Variants in RBFOX1 observed in about 807,000 individuals in gnomAD.
RBFOX1 encodes RNA binding protein fox-1 homolog 1.
A neutral mutation model predicts 57.7 loss-of-function variants in RBFOX1; 8 were observed. The ratio of observed to expected loss-of-function variants is 0.14; its 90% CI spans 0.08 to 0.25. The LOEUF is 0.25. Ranked by LOEUF, RBFOX1 falls within the 10% of genes least tolerant of loss-of-function variation. The pLI, the probability that RBFOX1 is intolerant of heterozygous loss-of-function variation, is 1.00. For synonymous variants in RBFOX1, 326 were observed against 222.4 expected (o/e 1.47, Z -4.15); for missense variants, 611 against 548.5 (o/e 1.11, Z -1.14).
chr16:6,957,316 A>C (rs937556904), intron 3 of RBFOX1, among the ~76,000 whole-genome samples: 3 of 151,778 alleles, frequency 2.0e-5, no homozygotes, highest in African/African-American at 7.3e-5. Flanking sequence ...TATTTTTAGT[A>C]CAGACGGGGT....
At chr16:5,443,199 G>T (rs754937446) in intron 1 of RBFOX1, among the ~76,000 whole-genome samples, 1 of 152,168 alleles carries the variant, frequency 6.6e-6, no homozygotes, top group Non-Finnish European at 1.5e-5. Context: ...AGTCCCAGGA[G>T]ACTAAGCCGT....
intron 4 of RBFOX1, among the ~76,000 whole-genome samples, chr16:7,171,619 A>G (rs368668418): frequency 4.6e-5 from 7 of 152,296 alleles, no homozygotes; most frequent in African/African-American, 7.2e-5. Flanking sequence ...GTCTTTATCA[A>G]TGACATGGAA....
At chr16:7,362,495 TAGTA>T (rs2146729170) in intron 4 of RBFOX1, among the ~76,000 whole-genome samples, 1 of 148,408 alleles carries the variant, frequency 6.7e-6, no homozygotes, top group African/African-American at 2.6e-5. Context: ...GTGTATATGT[TAGTA>T]TGTGCATGTT....
chr16:7,280,169 A>G lies in RBFOX1; in HGVS notation c.27+228071A>G, dbSNP rs528182537. Among the ~76,000 whole-genome samples, 51 of 152,306 alleles carry G rather than the reference A, an allele frequency of 3.3e-4. 1 individual carries two copies. The highest frequency in any genetic ancestry group is 1.2e-3 in the African/African-American group (51 of 41,570). ...TGGTTCTTTGCAAACGCAAAGGAAA[A>G]CACGATGTACACCTTGACTAAATTC... is the stretch of plus-strand genomic sequence containing the variant. On this transcript the variant is annotated intron_variant, in intron 4 of 15. Coordinates refer to ENST00000550418, the MANE Select transcript of RBFOX1 (RefSeq NM_018723.4).
intron 4 of RBFOX1, among the ~76,000 whole-genome samples, chr16:5,990,632 C>T (rs757650784): frequency 3.3e-5 from 5 of 151,940 alleles, no homozygotes; most frequent in Admixed American, 1.3e-4. Flanking sequence ...AAAATAGTTG[C>T]GGTGTATGGG....
At chr16:7,252,500 C>CTT (rs2094531537) in intron 4 of RBFOX1, among the ~76,000 whole-genome samples, 1 of 151,418 alleles carries the variant, frequency 6.6e-6, no homozygotes, top group African/African-American at 2.4e-5. Flanking sequence ...AAATTTTGCA[C>CTT]AGATCTTTAT....
chr16:6,888,019 T>C (rs1195205469), intron 3 of RBFOX1, among the ~76,000 whole-genome samples: 1 of 152,020 alleles, frequency 6.6e-6, no homozygotes, highest in Non-Finnish European at 1.5e-5. Flanking sequence ...GTTTGGGTGA[T>C]TGATTTGAGG....
At chr16:5,567,484 G>A (rs1454382640) in intron 2 of RBFOX1, among the ~76,000 whole-genome samples, 2 of 151,976 alleles carry the variant, frequency 1.3e-5, no homozygotes, top group South Asian at 4.2e-4. Flanking sequence ...AGCATCCAGC[G>A]GGTCACCACC....
At chr16:5,999,907 AG>A (rs1567239282) in intron 4 of RBFOX1, among the ~76,000 whole-genome samples, 13 of 23,384 alleles carry the variant, frequency 5.6e-4, no homozygotes, top group South Asian at 1.6e-3. Flanking sequence ...AAAAAAAAAA[AG>A]AGTGAAGAAG....
chr16:6,560,489 G>A (rs923282389), intron 2 of RBFOX1, among the ~76,000 whole-genome samples: 1 of 152,076 alleles, frequency 6.6e-6, no homozygotes. Context: ...AAAGATCTAA[G>A]GCTTGAGAGT....
intron 3 of RBFOX1, among the ~76,000 whole-genome samples, chr16:6,877,646 G>A (rs954004530): frequency 7.9e-5 from 12 of 152,196 alleles, no homozygotes; most frequent in East Asian, 3.9e-4. Context: ...GCATTTTTAC[G>A]GACAAGCCCA....
intron 1 of RBFOX1, among the ~76,000 whole-genome samples, chr16:6,170,039 A>G (rs2096948107): frequency 6.6e-6 from 1 of 152,118 alleles, no homozygotes; most frequent in South Asian, 2.1e-4. Context: ...AAAGTGCTAG[A>G]TTACAGGCAT....
At chr16:7,539,467 A>G (rs541465529) in intron 5 of RBFOX1, among the ~76,000 whole-genome samples, 1 of 152,162 alleles carries the variant, frequency 6.6e-6, no homozygotes, top group African/African-American at 2.4e-5. Flanking sequence ...TAATATAAAG[A>G]GCGTATTTTT....
At chr16:5,399,102 C>T (rs778154200) in intron 1 of RBFOX1, among the ~76,000 whole-genome samples, 1 of 152,292 alleles carries the variant, frequency 6.6e-6, no homozygotes, top group Non-Finnish European at 1.5e-5. Context: ...CGACTTAAAT[C>T]TATTCTCAGA....
At chr16:5,453,745 A>G (rs933998710) in intron 1 of RBFOX1, among the ~76,000 whole-genome samples, 1 of 152,190 alleles carries the variant, frequency 6.6e-6, no homozygotes, top group East Asian at 1.9e-4. Context: ...CCAGTTAGAG[A>G]TCAGCTTTAC....
chr16:7,545,388 A>G (rs2084174091), intron 5 of RBFOX1, among the ~76,000 whole-genome samples: 2 of 151,852 alleles, frequency 1.3e-5, no homozygotes, highest in Non-Finnish European at 2.9e-5. Context: ...CTGCCTTTAT[A>G]TTCTTCGGGG....
At chr16:6,077,404 G>A (rs764130215) in intron 1 of RBFOX1, among the ~76,000 whole-genome samples, 5 of 152,174 alleles carry the variant, frequency 3.3e-5, no homozygotes, top group Non-Finnish European at 5.9e-5. Context: ...GGGCAAGCCT[G>A]TTTATTATTT....
intron 3 of RBFOX1, among the ~76,000 whole-genome samples, chr16:5,840,883 C>G (rs1441368749): frequency 6.6e-6 from 1 of 152,178 alleles, no homozygotes; most frequent in Non-Finnish European, 1.5e-5. Context: ...CTGCCAGAAG[C>G]TTCCTGCCAA....
At chr16:5,596,757 C>T (rs1013509486) in intron 2 of RBFOX1, among the ~76,000 whole-genome samples, 1 of 152,226 alleles carries the variant, frequency 6.6e-6, no homozygotes, top group Non-Finnish European at 1.5e-5. Flanking sequence ...GACCAGTGGA[C>T]ATTCTCTCAA....
Sources: allele counts gnomAD v4.1 joint callset (sites outside exome capture counted in the v4.1 genomes callset), GRCh38; gene constraint gnomAD v4.1.1; transcripts MANE v1.5; gene names NCBI Gene and HGNC (gene_info 2026-07-23, HGNC 2026-07-21).